GABBR2: variants seen among roughly 807,000 people sequenced by gnomAD.
GABBR2 encodes gamma-aminobutyric acid type B receptor subunit 2, also known as G-protein coupled receptor 51.
A neutral mutation model predicts 105.6 loss-of-function variants in GABBR2; 23 were observed. That is an observed-to-expected ratio of 0.22 (90% confidence interval 0.16 to 0.31). The LOEUF (loss-of-function observed/expected upper bound fraction) is 0.31, where lower values mean the gene tolerates loss of function less well. Among genes scored for constraint, GABBR2 ranks in the 10% least tolerant of loss-of-function variants. GABBR2 has a pLI of 1.00. For synonymous variants in GABBR2, 478 were observed against 499.7 expected, an observed-to-expected ratio of 0.96 and a Z score of 0.58; for missense variants, 734 against 1,245.5, an observed-to-expected ratio of 0.59 and a Z score of 6.18.
At chr9:98,426,629 G>A (rs66989623) in intron 7 of GABBR2, among the ~76,000 whole-genome samples, 40,307 of 152,156 alleles carry the variant, frequency 0.26, 6,244 homozygotes, top group Middle Eastern at 0.36. Flanking sequence ...GCTCCACAAG[G>A]GAGTTGGGGG....
intron 1 of GABBR2, among the ~76,000 whole-genome samples, chr9:98,654,715 A>G (rs988512472): frequency 4.6e-5 from 7 of 152,228 alleles, no homozygotes; most frequent in African/African-American, 1.7e-4. Context: ...CATCATGTGT[A>G]TGAAGACACA....
At chr9:98,658,244 A>C (rs1410259412) in intron 1 of GABBR2, among the ~76,000 whole-genome samples, 1 of 152,180 alleles carries the variant, frequency 6.6e-6, no homozygotes, top group African/African-American at 2.4e-5. Context: ...TGCACACCAG[A>C]ATCACCAAGG....
chr9:98,681,742 T>A (rs1830550068), intron 1 of GABBR2, among the ~76,000 whole-genome samples: 2 of 135,394 alleles, frequency 1.5e-5, no homozygotes, highest in South Asian at 2.5e-4. Context: ...CTCTTTTTGA[T>A]CAAATAAATT....
At chr9:98,616,560 C>A (rs961439705) in intron 1 of GABBR2, among the ~76,000 whole-genome samples, 3 of 152,132 alleles carry the variant, frequency 2.0e-5, no homozygotes, top group African/African-American at 7.2e-5. Context: ...TCAATACCAG[C>A]CTGGCCAACA....
chr9:98,664,513 C>A (rs1830308245), intron 1 of GABBR2, among the ~76,000 whole-genome samples: 1 of 152,312 alleles, frequency 6.6e-6, no homozygotes, highest in South Asian at 2.1e-4. Context: ...GAAGAAAAAT[C>A]AGAAGCTGTT....
chr9:98,377,820 A>G (rs1056556419), intron 11 of GABBR2, among the ~76,000 whole-genome samples: 3 of 152,124 alleles, frequency 2.0e-5, no homozygotes, highest in Non-Finnish European at 4.4e-5. Flanking sequence ...TCTGTACCCC[A>G]TCCAGGACTC....
chr9:98,478,471 C>A (rs527270959), intron 5 of GABBR2, among the ~76,000 whole-genome samples: 4 of 152,246 alleles, frequency 2.6e-5, no homozygotes, highest in Admixed American at 6.5e-5. Context: ...TATACCCAGC[C>A]CAAAGCCTCT....
chr9:98,584,542 G>A (rs1829043552), intron 1 of GABBR2, among the ~76,000 whole-genome samples: 1 of 152,014 alleles, frequency 6.6e-6, no homozygotes, highest in Non-Finnish European at 1.5e-5. Context: ...ACTTAAACAT[G>A]GGAACAGATC....
intron 2 of GABBR2, among the ~76,000 whole-genome samples, chr9:98,574,666 C>G (rs1828883481): frequency 6.6e-6 from 1 of 152,226 alleles, no homozygotes; most frequent in Non-Finnish European, 1.5e-5. Flanking sequence ...AACACAGTCC[C>G]CATCTTGTAA....
In GABBR2 at chr9:98,320,601, G is replaced by C. The variant is rs1830802510; in HGVS notation, c.1894-9396C>G. Reference sequence around the variant, plus strand: ...CCCAAATGTCCAACAACGATAGACTGGGTTAAGCAAATGTGGCACATATAC... The same window carrying C: ...CCCAAATGTCCAACAACGATAGACTCGGTTAAGCAAATGTGGCACATATAC... On this transcript the variant is annotated intron_variant, in intron 13 of 18. Transcript: ENST00000259455. 2.6e-5 allele frequency among the ~76,000 whole-genome samples: 4 copies of C among 152,160 alleles called. No individual in the cohort carries two copies. The South Asian group carries it at 8.3e-4, about 32-fold the overall frequency.
intron 13 of GABBR2, among the ~76,000 whole-genome samples, chr9:98,330,964 C>A (rs796308943): frequency 6.6e-6 from 1 of 152,072 alleles, no homozygotes; most frequent in Admixed American, 6.6e-5. Context: ...GTGGATTTGC[C>A]GGTTTGGGAC....
chr9:98,661,418 C>T (rs1026712110), intron 1 of GABBR2, among the ~76,000 whole-genome samples: 4 of 150,658 alleles, frequency 2.7e-5, no homozygotes, highest in Non-Finnish European at 4.4e-5. Context: ...CCCACCCCCC[C>T]GATATGGAGT....
At chr9:98,651,977 T>C (rs1439688589) in intron 1 of GABBR2, among the ~76,000 whole-genome samples, 1 of 152,104 alleles carries the variant, frequency 6.6e-6, no homozygotes, top group African/African-American at 2.4e-5. Context: ...AGATTCAAAA[T>C]AATAAGGGAG....
chr9:98,385,613 A>AC (rs747412335), intron 11 of GABBR2, 27 bp downstream of exon 11: 412 of 1,602,952 alleles, frequency 2.6e-4, no homozygotes, highest in Non-Finnish European at 3.4e-4. Flanking sequence ...TCTATCATAT[A>AC]CCACTGGCTT....
intron 1 of GABBR2, among the ~76,000 whole-genome samples, chr9:98,678,599 C>A (rs1588280010): frequency 1.3e-5 from 2 of 152,338 alleles, no homozygotes; most frequent in East Asian, 3.9e-4. Flanking sequence ...ATACTAACCT[C>A]ATCTGGAAAA....
At chr9:98,422,880 C>T (rs373240657) in intron 7 of GABBR2, among the ~76,000 whole-genome samples, 4,997 of 151,018 alleles carry the variant, frequency 0.033, 151 homozygotes, top group African/African-American at 0.073. Context: ...TTTGTCCTTG[C>T]GATAGTTTAC....
chr9:98,704,461 A>G (rs1456157743), intron 1 of GABBR2, among the ~76,000 whole-genome samples: 1 of 152,210 alleles, frequency 6.6e-6, no homozygotes. Flanking sequence ...GGAATGATTA[A>G]ATACGTATGG....
chr9:98,340,014 C>A (rs1272866580), intron 13 of GABBR2, among the ~76,000 whole-genome samples: 2 of 151,526 alleles, frequency 1.3e-5, no homozygotes, highest in African/African-American at 2.4e-5. Context: ...ACATGTGACA[C>A]TCTGGGGTGG....
intron 7 of GABBR2, among the ~76,000 whole-genome samples, chr9:98,420,443 C>T (rs1000441806): frequency 4.6e-5 from 7 of 151,470 alleles, no homozygotes; most frequent in African/African-American, 1.7e-4. Context: ...AAGAGTGAAG[C>T]GCTGGGTTCA....
Sources: allele counts gnomAD v4.1 joint callset (sites outside exome capture counted in the v4.1 genomes callset), GRCh38; gene constraint gnomAD v4.1.1; transcripts MANE v1.5; gene names NCBI Gene and HGNC (gene_info 2026-07-23, HGNC 2026-07-21).